Variants in C11orf58 observed in about 807,000 individuals in gnomAD.
The protein encoded by C11orf58 is chromosome 11 open reading frame 58.
Under a neutral mutation model 22.7 loss-of-function variants are expected in C11orf58, and 5 were observed. The ratio of observed to expected loss-of-function variants is 0.22; its 90% CI spans 0.12 to 0.46. The LOEUF is 0.46. Ranked by LOEUF, C11orf58 falls within the 20% of genes least tolerant of loss-of-function variation. C11orf58 has a pLI of 0.99. For synonymous variants in C11orf58, 71 were observed against 70.7 expected (o/e 1.00, Z -0.02); for missense variants, 151 against 223.3 (o/e 0.68, Z 2.06).
Position 16,738,743 on chromosome 11 carries a change from G to A in C11orf58, c.-36G>A, listed in dbSNP as rs367685678. Reference sequence around the variant, plus strand: ...GTTTTGCGGCTGGGAAGAGCGGCGAGAGGGTTCGGCATTTTTCGTCGGGAT... The same window carrying A: ...GTTTTGCGGCTGGGAAGAGCGGCGAAAGGGTTCGGCATTTTTCGTCGGGAT... On this transcript the variant is annotated 5_prime_UTR_variant, in exon 1 of 5. Transcript: ENST00000228136. 519 of 1,612,384 alleles carry A rather than the reference G, an allele frequency of 3.2e-4. No homozygotes were observed. The highest frequency in any genetic ancestry group is 4.0e-4 in the Non-Finnish European group (472 of 1,178,842).
At chr11:16,753,753 T>G (rs750180749) in intron 4 of C11orf58, 19 of 397,582 alleles carry the variant, frequency 4.8e-5, no homozygotes, top group Non-Finnish European at 2.2e-5. Flanking sequence ...TCCCCCTTTT[T>G]TGAGACAGGT....
At chr11:16,745,678 T>A (rs1422630293) in intron 2 of C11orf58, among the ~76,000 whole-genome samples, 1 of 152,220 alleles carries the variant, frequency 6.6e-6, no homozygotes, top group African/African-American at 2.4e-5. Context: ...AGTTTAATCC[T>A]GTGTTCAGGG....
intron 2 of C11orf58, among the ~76,000 whole-genome samples, chr11:16,746,509 A>G (rs1564883771): frequency 1.3e-5 from 2 of 152,194 alleles, no homozygotes; most frequent in Non-Finnish European, 2.9e-5. Flanking sequence ...CCAAGAACCT[A>G]TCATTGAAAA....
chr11:16,748,548 C>G (rs1324243935), intron 3 of C11orf58: 1 of 131,298 alleles, frequency 7.6e-6, no homozygotes. Flanking sequence ...CCAGCCTGGT[C>G]AACATGGCAA....
At chr11:16,748,236 A>G (rs1459427528) in intron 3 of C11orf58, 79 bp downstream of exon 3, 2 of 1,241,696 alleles carry the variant, frequency 1.6e-6, no homozygotes, top group African/African-American at 3.0e-5. Flanking sequence ...AGGATATTCT[A>G]CTTTGGCATG....
rs1483975127 is a variant in C11orf58 at position 16,756,000 on chromosome 11, G to GATTA, written c.*901_*904dup. On this transcript the variant is annotated 3_prime_UTR_variant, in exon 5 of 5. Transcript: ENST00000228136. ...CATTTTATCCCAGTGCTATTTTATT[G>GATTA]ATTAATTACTAAAAAGTATTACTTT... 1 of 152,470 alleles carries GATTA rather than the reference G, an allele frequency of 6.6e-6. No individual in the cohort carries two copies. The highest frequency in any genetic ancestry group is 2.4e-5 in the African/African-American group (1 of 41,428). 9.4% of individuals were successfully genotyped at this position (152,470 alleles called of 1,614,324 possible).
chr11:16,740,698 A>G (rs1008613932), intron 1 of C11orf58, among the ~76,000 whole-genome samples: 5 of 151,804 alleles, frequency 3.3e-5, no homozygotes, highest in Non-Finnish European at 5.9e-5. Flanking sequence ...CTGGAATTAC[A>G]GGTGTGAGCC....
In C11orf58 at chr11:16,738,684, G is replaced by T. The variant is rs1848415883; in HGVS notation, c.-95G>T. The T allele has an allele frequency of 2.2e-6, 3 of 1,390,792 alleles. No individual in the cohort carries two copies. The highest frequency in any genetic ancestry group is 1.4e-5 in the African/African-American group (1 of 70,356). The allele number at this position is 1,390,792 out of a possible 1,614,324, so 86.2% of individuals were successfully genotyped here. On this transcript the variant is annotated 5_prime_UTR_variant, in exon 1 of 5. Coordinates refer to ENST00000228136, the MANE Select transcript of C11orf58 (RefSeq NM_014267.6). ...GAGGGGCTCTGCGTTCTGTAGTGGC[G>T]CTGCTTGGGCCCTTGGCGGATTGTA...
chr11:16,751,568 T>A (rs1232516976), intron 3 of C11orf58: 1 of 151,786 alleles, frequency 6.6e-6, no homozygotes, highest in East Asian at 1.9e-4. Flanking sequence ...AGAACAAAAC[T>A]GTGTTCAAGT....
chr11:16,751,978 T>C (rs1848537245), intron 3 of C11orf58: 1 of 152,258 alleles, frequency 6.6e-6, no homozygotes, highest in Non-Finnish European at 1.5e-5. Context: ...ACGAAAGCAC[T>C]GGAAAGCCTG....
Position 16,741,063 on chromosome 11 carries a change from T to C in C11orf58, c.63+2222T>C, listed in dbSNP as rs539468022. Among the ~76,000 whole-genome samples, 603 of 146,244 alleles carry C rather than the reference T, an allele frequency of 4.1e-3. 2 individuals carry two copies. Among genetic ancestry groups the C allele is most frequent in the African/African-American group, 0.015 (584 of 38,866 alleles). On this transcript the variant is annotated intron_variant, in intron 1 of 4. Coordinates refer to ENST00000228136, the MANE Select transcript of C11orf58 (RefSeq NM_014267.6). ...GTGAGCCAAGATGGCGCCACTGCAC[T>C]CCAGCCTGGGCGACAGAGCGAGACT...
intron 2 of C11orf58, among the ~76,000 whole-genome samples, chr11:16,745,135 C>G (rs1337289008): frequency 6.6e-6 from 1 of 152,176 alleles, no homozygotes; most frequent in African/African-American, 2.4e-5. Context: ...TAAGACTACA[C>G]TTTCAGAGAT....
At chr11:16,744,752 TAAG>T in intron 2 of C11orf58, 68 bp downstream of exon 2, 5 of 1,378,856 alleles carry the variant, frequency 3.6e-6, no homozygotes, top group South Asian at 1.2e-5. Context: ...GTATGCTAAG[TAAG>T]AAGGACTGAA....
intron 2 of C11orf58, 125 bp downstream of exon 2, chr11:16,744,809 C>T (rs1374792926): frequency 2.3e-6 from 2 of 877,360 alleles, no homozygotes; most frequent in East Asian, 2.7e-5. Context: ...TTTCTTTTGG[C>T]TTTGGGAAAT....
chr11:16,754,512 CTTTTTTTT>C (rs111667450), intron 4 of C11orf58, among the ~76,000 whole-genome samples: 1 of 58,498 alleles, frequency 1.7e-5, no homozygotes, highest in African/African-American at 6.8e-5. Flanking sequence ...TTTCTTTTTT[CTTTTTTTT>C]TTTTTAGTTT....
At chr11:16,744,580 A>ATG in intron 1 of C11orf58, 21 bp from the exon 2 acceptor site, 1 of 1,607,594 alleles carries the variant, frequency 6.2e-7, no homozygotes, top group Non-Finnish European at 8.5e-7. Context: ...AAAAAATTTA[A>ATG]TCAACCAATT....
chr11:16,739,208 G>A (rs1848423456), intron 1 of C11orf58, among the ~76,000 whole-genome samples: 1 of 152,068 alleles, frequency 6.6e-6, no homozygotes, highest in Non-Finnish European at 1.5e-5. Flanking sequence ...CCTGTTTTGG[G>A]TTCTAAATGT....
chr11:16,744,057 A>C (rs1031181636), intron 1 of C11orf58, among the ~76,000 whole-genome samples: 2 of 151,924 alleles, frequency 1.3e-5, no homozygotes, highest in African/African-American at 2.4e-5. Flanking sequence ...TGCTAAAAAA[A>C]AAAAAAAAAA....
At chr11:16,744,501 A>G in intron 1 of C11orf58, 100 bp from the exon 2 acceptor site, 1 of 878,778 alleles carries the variant, frequency 1.1e-6, no homozygotes, top group Non-Finnish European at 1.8e-6. Context: ...TATAGTTACA[A>G]CTGACAGGGG....
Sources: gnomAD v4.1 joint callset for allele counts (sites outside exome capture counted in the v4.1 genomes callset) on GRCh38, gnomAD v4.1.1 for gene constraint, MANE v1.5 for transcripts, NCBI Gene and HGNC (gene_info 2026-07-23, HGNC 2026-07-21) for gene names.